Variants in DRICH1 observed in about 807,000 individuals in gnomAD.
The protein encoded by DRICH1 is aspartate-rich protein 1.
DRICH1 carries 38 observed loss-of-function variants against 39.5 expected under a neutral mutation model. The ratio of observed to expected loss-of-function variants is 0.96; its 90% CI spans 0.74 to 1.26. The LOEUF (loss-of-function observed/expected upper bound fraction) is 1.26, where lower values mean the gene tolerates loss of function less well. Among genes scored for constraint, DRICH1 ranks in the 50% most tolerant of loss-of-function variants. The pLI is 0.00. For synonymous variants in DRICH1, 84 were observed against 99.5 expected (o/e 0.84, Z 0.93); for missense variants, 279 against 270.4 (o/e 1.03, Z -0.22).
At chr22:23,609,103 AC>A (rs1926891809) in intron 11 of DRICH1, among the ~76,000 whole-genome samples, 2 of 152,176 alleles carry the variant, frequency 1.3e-5, no homozygotes, top group Admixed American at 6.5e-5. Flanking sequence ...GGAAGAGGCA[AC>A]TGGTCATTCA....
At chr22:23,592,018 G>T in the DRICH1 span, among the ~76,000 whole-genome samples, 2 of 152,266 alleles carry the variant, frequency 1.3e-5, no homozygotes, top group East Asian at 3.9e-4. Flanking sequence ...TCCAGCCCAG[G>T]CTCCTTCTGT....
the DRICH1 span, among the ~76,000 whole-genome samples, chr22:23,586,929 A>G: frequency 1.3e-5 from 2 of 152,178 alleles, no homozygotes; most frequent in African/African-American, 2.4e-5. Flanking sequence ...TCTGATATCT[A>G]TATAACTACA....
chr22:23,593,436 G>A, the DRICH1 span, among the ~76,000 whole-genome samples: 10 of 151,972 alleles, frequency 6.6e-5, no homozygotes, highest in Admixed American at 6.5e-4. Context: ...GTGCTGAGGC[G>A]GGCAGATCAC....
chr22:23,590,890 C>T, the DRICH1 span, among the ~76,000 whole-genome samples: 1 of 152,228 alleles, frequency 6.6e-6, no homozygotes, highest in Non-Finnish European at 1.5e-5. Context: ...TCCCAAAGTG[C>T]TAGGACTACA....
the DRICH1 span, chr22:23,583,130 T>C: frequency 3.3e-5 from 5 of 152,264 alleles, no homozygotes; most frequent in Admixed American, 2.0e-4. Flanking sequence ...TTGCTTCAGT[T>C]ACCTGAATGC....
intron 8 of DRICH1, 61 bp downstream of exon 8, chr22:23,616,792 T>C: frequency 1.9e-6 from 3 of 1,599,498 alleles, no homozygotes; most frequent in Non-Finnish European, 2.6e-6. Context: ...AGATTAAGGT[T>C]TCCATATATT....
intron 8 of DRICH1, among the ~76,000 whole-genome samples, chr22:23,615,483 G>T (rs1227744293): frequency 6.6e-6 from 1 of 152,160 alleles, no homozygotes; most frequent in Admixed American, 6.6e-5. Context: ...ATTATCAGCT[G>T]TCAACATGAA....
chr22:23,600,676 C>CTTT, the DRICH1 span, among the ~76,000 whole-genome samples: 23 of 109,618 alleles, frequency 2.1e-4, no homozygotes, highest in East Asian at 8.8e-4. Context: ...AATTTTTTTT[C>CTTT]TTTTTTTTTT....
intron 6 of DRICH1, among the ~76,000 whole-genome samples, chr22:23,618,505 C>T (rs1029923138): frequency 6.6e-6 from 1 of 152,004 alleles, no homozygotes; most frequent in African/African-American, 2.4e-5. Flanking sequence ...CTTTGTAAGT[C>T]TTCTTCTGGA....
At chr22:23,624,567 A>G (rs1341681932) in intron 3 of DRICH1, among the ~76,000 whole-genome samples, 1 of 152,192 alleles carries the variant, frequency 6.6e-6, no homozygotes, top group East Asian at 1.9e-4. Flanking sequence ...CTGAAAAAGC[A>G]TAGTCTTCCC....
At chr22:23,632,361 G>GCTT (rs976681094), upstream of DRICH1, 4 of 320,792 alleles carry the variant, frequency 1.2e-5, no homozygotes, top group Non-Finnish European at 2.4e-5. Context: ...AACCCACAAA[G>GCTT]CTTCCTATGT....
chr22:23,586,573 C>T, the DRICH1 span, among the ~76,000 whole-genome samples: 6 of 152,254 alleles, frequency 3.9e-5, no homozygotes, highest in Admixed American at 3.3e-4. Context: ...GACTGAGTTT[C>T]ACTCTTGTCA....
intron 7 of DRICH1, among the ~76,000 whole-genome samples, chr22:23,617,163 C>T (rs1381270326): frequency 1.3e-5 from 2 of 152,212 alleles, no homozygotes; most frequent in Non-Finnish European, 1.5e-5. Flanking sequence ...ATGATGGATG[C>T]TGTCATTTAA....
chr22:23,604,803 C>G (rs11090265), downstream of DRICH1, among the ~76,000 whole-genome samples: 90,917 of 152,052 alleles, frequency 0.6, 27,679 homozygotes, highest in African/African-American at 0.67. Context: ...GGAAGAGCTG[C>G]AGTTGGACTA....
chr22:23,583,010 T>C, the DRICH1 span: 1 of 152,190 alleles, frequency 6.6e-6, no homozygotes, highest in Non-Finnish European at 1.5e-5. Flanking sequence ...GGGTGTAAAA[T>C]TAATTCCAAT....
chr22:23,622,140 G>A lies in DRICH1; in HGVS notation c.335C>T (p.Pro112Leu). 6.2e-7 allele frequency: 1 copy of A among 1,613,932 alleles called. No homozygotes were observed. The highest frequency in any genetic ancestry group is 8.5e-7 in the Non-Finnish European group (1 of 1,179,912). Residue 112 changes from proline to leucine, a missense_variant, in exon 4 of 12, where the codon CCA becomes CTA. Physicochemically the swap from Pro to Leu is moderately conservative, Grantham distance 98. Transcript: ENST00000317749. ...SEDNLSLVCL[P>L]RSEDDDCDDD... Reference sequence around the variant, plus strand: ...ATCACAGTCATCATCTTCACTTCGTGGTAGGCATACTAAACTCAGGTTGTC... The same window carrying A: ...ATCACAGTCATCATCTTCACTTCGTAGTAGGCATACTAAACTCAGGTTGTC...
At chr22:23,582,560 T>TATTATTATTATTATC in the DRICH1 span, among the ~76,000 whole-genome samples, 1 of 145,956 alleles carries the variant, frequency 6.9e-6, no homozygotes, top group South Asian at 2.2e-4. Context: ...AGGGGCTTAT[T>TATTATTATTATTATC]ATTATTATTA....
At position 23,632,001 on chromosome 22, in the gene DRICH1, C is replaced by T. The variant is rs755757359; in HGVS notation, c.23G>A (p.Cys8Tyr). 1.9e-6 allele frequency: 3 copies of T among 1,613,424 alleles called. No homozygotes were observed. Among genetic ancestry groups the T allele is most frequent in the Non-Finnish European group, 2.5e-6 (3 of 1,180,016 alleles). Residue 8 changes from cysteine to tyrosine, a missense_variant, in exon 1 of 12, where the codon TGT becomes TAT. Coordinates refer to ENST00000317749, the MANE Select transcript of DRICH1 (RefSeq NM_016449.4). The part of the protein sequence containing the change: MGNILTC[C>Y]INSHCGWPRG... ...GGGCCAGCCACAGTGGGAGTTGATA[C>T]AACAGGTCAGTATATTCCCCATGGG...
At chr22:23,588,756 A>G in the DRICH1 span, among the ~76,000 whole-genome samples, 1,524 of 152,246 alleles carry the variant, frequency 0.01, 13 homozygotes, top group South Asian at 0.028. Flanking sequence ...GATGGCTGTC[A>G]CTTCCTTTCT....
Sources: gnomAD v4.1 joint callset for allele counts (sites outside exome capture counted in the v4.1 genomes callset) on GRCh38, gnomAD v4.1.1 for gene constraint, MANE v1.5 for transcripts, NCBI Gene and HGNC (gene_info 2026-07-23, HGNC 2026-07-21) for gene names.